STX2: variants seen among roughly 807,000 people sequenced by gnomAD.
The protein encoded by STX2 is syntaxin-2.
STX2 carries 27 observed loss-of-function variants against 40.6 expected under a neutral mutation model. The observed-to-expected ratio is 0.66, with a 90% CI of 0.49 to 0.92. The LOEUF (loss-of-function observed/expected upper bound fraction) is 0.92, where lower values mean the gene tolerates loss of function less well. Among genes scored for constraint, STX2 ranks in the 40% least tolerant of loss-of-function variants. The pLI is 0.00. For synonymous variants in STX2, 123 were observed against 119.1 expected, an observed-to-expected ratio of 1.03 and a Z score of -0.22; for missense variants, 328 against 366.1, an observed-to-expected ratio of 0.90 and a Z score of 0.85.
chr12:130,824,994 C>T (rs1402814465), intron 2 of STX2, among the ~76,000 whole-genome samples: 1 of 151,948 alleles, frequency 6.6e-6, no homozygotes, highest in Admixed American at 6.6e-5. Context: ...AGACAAAGAC[C>T]ACAGCTTAAT....
intron 4 of STX2, among the ~76,000 whole-genome samples, chr12:130,810,384 A>G (rs1047128722): frequency 1.3e-5 from 2 of 152,250 alleles, no homozygotes; most frequent in African/African-American, 4.8e-5. Context: ...ATCTTAGCCC[A>G]GTCCACTGAA....
At position 130,801,120 on chromosome 12, in the gene STX2, T is replaced by C. The variant is rs367595735; in HGVS notation, c.675+33A>G. On this transcript the variant is annotated intron_variant, in intron 8 of 10. Coordinates refer to ENST00000392373, the MANE Select transcript of STX2 (RefSeq NM_194356.4). ...AGTAAGATTTTACACATGACTGATA[T>C]CTCTCTTGGAGAATGCAAGAGTCTG... 77 of 1,577,082 alleles carry C rather than the reference T, an allele frequency of 4.9e-5. No homozygotes were observed. The African/African-American group carries it at 8.1e-4, about 17-fold the overall frequency.
chr12:130,826,171 C>T (rs1952295716), intron 2 of STX2, among the ~76,000 whole-genome samples: 1 of 152,190 alleles, frequency 6.6e-6, no homozygotes, highest in Non-Finnish European at 1.5e-5. Context: ...GACCCTGAGC[C>T]CTCTGCTCTA....
chr12:130,832,249 G>C (rs1315323536), intron 1 of STX2, among the ~76,000 whole-genome samples: 1 of 151,594 alleles, frequency 6.6e-6, no homozygotes, highest in Non-Finnish European at 1.5e-5. Flanking sequence ...CACACCATAT[G>C]GTTCAACCTC....
Position 130,798,575 on chromosome 12 carries a change from C to A in STX2, c.736G>T (p.Ala246Ser). 1 of 1,608,156 alleles carries A rather than the reference C, an allele frequency of 6.2e-7. No individual in the cohort carries two copies. ...VMNATDYVEH[A>S]KEETKKAIKY... ...ATAGCTTTTTTTGTTTCTTCTTTAGCGTGTTCTACATAGTCTGTGGCATTC... is the reference window on the plus strand; with the variant it reads ...ATAGCTTTTTTTGTTTCTTCTTTAGAGTGTTCTACATAGTCTGTGGCATTC... The change falls in exon 9 of 11, where the codon GCT becomes TCT. Residue 246 changes from alanine to serine, a missense_variant. By Grantham distance (99) the Ala-to-Ser change is moderately conservative. Transcript: ENST00000392373.
At chr12:130,792,028 A>G (rs1293956796) in intron 10 of STX2, 51 bp from the exon 11 acceptor site, 19 of 1,295,266 alleles carry the variant, frequency 1.5e-5, no homozygotes, top group Non-Finnish European at 2.1e-5. Context: ...GAAATCAACA[A>G]TGGCATTTGC....
chr12:130,831,447 T>C (rs1047506531), intron 1 of STX2, among the ~76,000 whole-genome samples: 1 of 152,176 alleles, frequency 6.6e-6, no homozygotes, highest in African/African-American at 2.4e-5. Flanking sequence ...GGAGGATCAC[T>C]TAAGCTCCAG....
Position 130,839,002 on chromosome 12 carries a change from G to A in STX2, c.30+68C>T, listed in dbSNP as rs1593204363. On this transcript the variant is annotated intron_variant, in intron 1 of 10. Coordinates refer to ENST00000392373, the MANE Select transcript of STX2 (RefSeq NM_194356.4). ...CCCGGAGCCCCGCCCAAGACGCCCC[G>A]AGCCCCCGCCCGCCCTCCAGACGCC... 3 of 267,052 alleles carry A rather than the reference G, an allele frequency of 1.1e-5. No individual in the cohort carries two copies. The South Asian group carries it at 1.8e-4, about 16-fold the overall frequency. 16.5% of individuals were successfully genotyped at this position (267,052 alleles called of 1,614,324 possible).
At chr12:130,826,059 G>A (rs569986242) in intron 2 of STX2, among the ~76,000 whole-genome samples, 2 of 152,282 alleles carry the variant, frequency 1.3e-5, no homozygotes, top group East Asian at 1.9e-4. Context: ...TCCCAGCACC[G>A]CCAGGCCGCC....
At chr12:130,821,310 C>A (rs559756189) in intron 3 of STX2, among the ~76,000 whole-genome samples, 1 of 152,362 alleles carries the variant, frequency 6.6e-6, no homozygotes, top group African/African-American at 2.4e-5. Context: ...TCCTATTTCA[C>A]TCTGCTCTTA....
rs767608428 is a variant in STX2 at position 130,807,015 on chromosome 12, T to C, written c.430A>G (p.Ser144Gly). 6.2e-7 allele frequency: 1 copy of C among 1,614,188 alleles called. No homozygotes were observed. The highest frequency in any genetic ancestry group is 1.1e-5 in the South Asian group (1 of 91,088). ...AGCTGGCGCTGGATGCGGCCTTTGC[T>C]CCGCTCCCGAAACAGAGTCTGTGCC... ...NEAQTLFRER[S>G]KGRIQRQLEI... The change falls in exon 6 of 11, where the codon AGC (serine) becomes GGC (glycine). Residue 144 changes from serine to glycine, a missense_variant. Ser to Gly is a moderately conservative substitution (Grantham distance 56, BLOSUM62 0). Transcript: ENST00000392373.
intron 4 of STX2, among the ~76,000 whole-genome samples, chr12:130,809,527 T>C (rs1951565366): frequency 6.6e-6 from 1 of 152,090 alleles, no homozygotes; most frequent in African/African-American, 2.4e-5. Flanking sequence ...GATATAAACA[T>C]ACAGAGGAGC....
At chr12:130,817,611 TAAG>T (rs931929717) in intron 3 of STX2, among the ~76,000 whole-genome samples, 5 of 151,226 alleles carry the variant, frequency 3.3e-5, no homozygotes, top group African/African-American at 7.3e-5. Flanking sequence ...AGAAGCCTTA[TAAG>T]AAGAGGGAAA....
In STX2 at chr12:130,790,883, G is replaced by A. The variant is rs1482293758; in HGVS notation, c.*1140C>T. The A allele has an allele frequency of 6.6e-6, 1 of 152,580 alleles. No homozygotes were observed. The highest frequency in any genetic ancestry group is 2.4e-5 in the African/African-American group (1 of 41,422). 9.5% of individuals were successfully genotyped at this position (152,580 alleles called of 1,614,324 possible). A position where few individuals can be genotyped will look rare whatever the true frequency, so the allele number is the denominator to read the frequency against. On this transcript the variant is annotated 3_prime_UTR_variant, in exon 11 of 11. Transcript: ENST00000392373. ...AGCTGAGGCCGAGGCTTTTCTGGAG[G>A]GCACCAGCACATTTAAACTCACAGA...
Position 130,821,802 on chromosome 12 carries a change from A to C in STX2, c.106-14T>G, listed in dbSNP as rs1350951701. The stretch of plus-strand genomic sequence containing the variant: ...AATCTCCTCCACCTAGGAGAGAGAG[A>C]GAGTCATTACAGCATGGCAAACTCA... On this transcript the variant is annotated splice_polypyrimidine_tract_variant and intron_variant, in intron 2 of 10. Transcript: ENST00000392373. 1.4e-5 allele frequency: 22 copies of C among 1,570,432 alleles called. No homozygotes were observed. The highest frequency in any genetic ancestry group is 1.8e-5 in the Non-Finnish European group (21 of 1,141,536).
chr12:130,792,017 A>C, intron 10 of STX2, 40 bp from the exon 11 acceptor site: 2 of 1,390,008 alleles, frequency 1.4e-6, no homozygotes, highest in South Asian at 2.4e-5. Flanking sequence ...AATGTATCAA[A>C]GAAATCAACA....
chr12:130,833,872 G>A (rs1392811687), intron 1 of STX2, among the ~76,000 whole-genome samples: 1 of 152,208 alleles, frequency 6.6e-6, no homozygotes, highest in Non-Finnish European at 1.5e-5. Flanking sequence ...ATACCTGGCA[G>A]GTGCTCTGGA....
At chr12:130,822,389 G>A (rs766352308) in intron 2 of STX2, among the ~76,000 whole-genome samples, 2 of 151,742 alleles carry the variant, frequency 1.3e-5, no homozygotes, top group South Asian at 2.1e-4. Flanking sequence ...GCACTCCAGC[G>A]TGGGCAACAG....
At chr12:130,821,101 C>T (rs1952095499) in intron 3 of STX2, among the ~76,000 whole-genome samples, 1 of 152,206 alleles carries the variant, frequency 6.6e-6, no homozygotes, top group Non-Finnish European at 1.5e-5. Flanking sequence ...AATCCAGGTT[C>T]TCCAGCTGCT....
Sources: gnomAD v4.1 joint callset for allele counts (sites outside exome capture counted in the v4.1 genomes callset) on GRCh38, gnomAD v4.1.1 for gene constraint, MANE v1.5 for transcripts, NCBI Gene and HGNC (gene_info 2026-07-23, HGNC 2026-07-21) for gene names.